The following KCNT2 variants were observed in gnomAD, a reference collection of about 807,000 sequenced individuals.
The protein encoded by KCNT2 is potassium channel subfamily T member 2.
Under a neutral mutation model 153.8 loss-of-function variants are expected in KCNT2, and 67 were observed. The observed-to-expected ratio is 0.44, with a 90% CI of 0.36 to 0.53. The LOEUF is 0.53. Ranked by LOEUF, KCNT2 falls within the 20% of genes least tolerant of loss-of-function variation. The pLI is 0.00. For synonymous variants in KCNT2, 500 were observed against 458.8 expected (o/e 1.09, Z -1.15); for missense variants, 975 against 1,354.8 (o/e 0.72, Z 4.40).
At chr1:196,562,717 T>C (rs1659580504) in intron 1 of KCNT2, among the ~76,000 whole-genome samples, 1 of 151,796 alleles carries the variant, frequency 6.6e-6, no homozygotes, top group Admixed American at 6.6e-5. Context: ...TCTTTTTTTT[T>C]TTTCCTGAAT....
At chr1:196,596,364 C>T (rs1440923085) in intron 1 of KCNT2, among the ~76,000 whole-genome samples, 1 of 152,040 alleles carries the variant, frequency 6.6e-6, no homozygotes, top group Non-Finnish European at 1.5e-5. Context: ...AAATGTGTTC[C>T]CTTTTCACCA....
chr1:196,249,279 A>T (rs1052356960), intron 26 of KCNT2, among the ~76,000 whole-genome samples: 2 of 152,184 alleles, frequency 1.3e-5, no homozygotes, highest in Admixed American at 6.5e-5. Context: ...ATCATTCAAC[A>T]TACTGCTGGA....
At position 196,517,057 on chromosome 1, in the gene KCNT2, C is replaced by T. The variant is rs115950077; in HGVS notation, c.96-24716G>A. Among the ~76,000 whole-genome samples the T allele has an allele frequency of 4.9e-3, 746 of 152,180 alleles. 6 individuals are homozygous for T. The highest frequency in any genetic ancestry group is 0.017 in the African/African-American group (702 of 41,520). On this transcript the variant is annotated intron_variant, in intron 1 of 27. Coordinates refer to ENST00000294725, the MANE Select transcript of KCNT2 (RefSeq NM_198503.5). ...AGCTCCCAATGGGAGTGGGGATTGC[C>T]GTATTTGCTTACAGCCTTCATGCTT...
intron 8 of KCNT2, among the ~76,000 whole-genome samples, chr1:196,444,330 A>G (rs1388825773): frequency 1.3e-5 from 2 of 151,436 alleles, no homozygotes; most frequent in Admixed American, 6.6e-5. Flanking sequence ...TCCCAGTAAT[A>G]CAATAATACA....
At chr1:196,580,082 A>G (rs934308318) in intron 1 of KCNT2, among the ~76,000 whole-genome samples, 1 of 152,180 alleles carries the variant, frequency 6.6e-6, no homozygotes, top group Non-Finnish European at 1.5e-5. Context: ...TCCTGAAACC[A>G]TTTCTAGGGA....
At chr1:196,266,467 C>G (rs2147810905) in intron 25 of KCNT2, among the ~76,000 whole-genome samples, 1 of 152,232 alleles carries the variant, frequency 6.6e-6, no homozygotes, top group Admixed American at 6.5e-5. Context: ...CAGATATTGT[C>G]TAAAAATATC....
rs5779831 is a variant in KCNT2, at chr1:196,339,520, C to CAGAGAG, written c.1783+815_1783+820dup. ...AGATATGAAGAGACACACACACACA[C>CAGAGAG]AGAGAGAGAGAGAGAGAGAGAGAGA... On this transcript the variant is annotated intron_variant, in intron 16 of 27. Coordinates refer to ENST00000294725, the MANE Select transcript of KCNT2 (RefSeq NM_198503.5). Among the ~76,000 whole-genome samples, 1,011 of 137,986 alleles carry CAGAGAG rather than the reference C, an allele frequency of 7.3e-3. 12 individuals are homozygous for CAGAGAG. Among genetic ancestry groups the CAGAGAG allele is most frequent in the African/African-American group, 0.026 (894 of 34,964 alleles). 90.5% of individuals were successfully genotyped at this position (137,986 alleles called of 152,430 possible). A position where few individuals can be genotyped will look rare whatever the true frequency, so the allele number is the denominator to read the frequency against.
Position 196,462,435 on chromosome 1 carries a change from T to C in KCNT2, c.638+2858A>G, listed in dbSNP as rs1344053709. Among the ~76,000 whole-genome samples, 6 of 151,740 alleles carry C rather than the reference T, an allele frequency of 4.0e-5. No individual in the cohort carries two copies. The East Asian group carries it at 1.2e-3, about 29-fold the overall frequency. ...AATACTGAAAACTTGAATACAGTGGTGAAAGATGTTTTCTTATATTTTCTG... is the reference window on the plus strand; with the variant it reads ...AATACTGAAAACTTGAATACAGTGGCGAAAGATGTTTTCTTATATTTTCTG... On this transcript the variant is annotated intron_variant, in intron 8 of 27. Transcript: ENST00000294725.
chr1:196,429,727 T>C lies in KCNT2; in HGVS notation c.669A>G (p.Ile223Met), dbSNP rs1217455996. The change falls in exon 9 of 28, where the codon ATA becomes ATG. Residue 223 changes from isoleucine (I) to methionine (M), a missense_variant. By Grantham distance (10) the Ile-to-Met change is conservative. Coordinates refer to ENST00000294725, the MANE Select transcript of KCNT2 (RefSeq NM_198503.5). ...CICGIQHLERIGKKLNLFDSL... is the reference protein window; with the variant it reads ...CICGIQHLERMGKKLNLFDSL... ...AGTCAAAGAGATTCAGCTTCTTTCCTATTCGTTCCAGATGTTGGATCCCAC... is the reference window on the plus strand; with the variant it reads ...AGTCAAAGAGATTCAGCTTCTTTCCCATTCGTTCCAGATGTTGGATCCCAC... 6.2e-7 allele frequency: 1 copy of C among 1,608,178 alleles called. No individual in the cohort carries two copies. Among genetic ancestry groups the C allele is most frequent in the Non-Finnish European group, 8.5e-7 (1 of 1,177,912 alleles).
chr1:196,395,488 GT>G (rs1345771665), intron 13 of KCNT2, among the ~76,000 whole-genome samples: 1 of 151,552 alleles, frequency 6.6e-6, no homozygotes, highest in Non-Finnish European at 1.5e-5. Context: ...AATAGCACTG[GT>G]GGCTTAAAAC....
At chr1:196,302,751 C>A (rs1571967839) in intron 22 of KCNT2, among the ~76,000 whole-genome samples, 1 of 151,406 alleles carries the variant, frequency 6.6e-6, no homozygotes. Flanking sequence ...TTGGATGGGG[C>A]ATGAGATTCA....
At chr1:196,422,166 G>A (rs929269417) in intron 12 of KCNT2, among the ~76,000 whole-genome samples, 3 of 151,934 alleles carry the variant, frequency 2.0e-5, no homozygotes, top group Admixed American at 2.0e-4. Flanking sequence ...AAGTAGTTTA[G>A]GTAAATTAGA....
intron 1 of KCNT2, among the ~76,000 whole-genome samples, chr1:196,515,687 G>T (rs2148810558): frequency 6.6e-6 from 1 of 152,284 alleles, no homozygotes; most frequent in East Asian, 1.9e-4. Context: ...CTCTTATGGA[G>T]AAAAGTGAAG....
intron 3 of KCNT2, among the ~76,000 whole-genome samples, chr1:196,485,127 T>C (rs1679318192): frequency 1.3e-5 from 2 of 152,048 alleles, no homozygotes; most frequent in East Asian, 1.9e-4. Flanking sequence ...TAAAAAGGAA[T>C]GAGATCAGGT....
intron 13 of KCNT2, among the ~76,000 whole-genome samples, chr1:196,383,419 A>G (rs1051375985): frequency 3.3e-5 from 5 of 152,182 alleles, no homozygotes; most frequent in African/African-American, 1.2e-4. Flanking sequence ...GCTGCTCTCA[A>G]TTGCTGTATT....
At chr1:196,524,185 C>G (rs770392031) in intron 1 of KCNT2, among the ~76,000 whole-genome samples, 2 of 152,178 alleles carry the variant, frequency 1.3e-5, no homozygotes, top group Non-Finnish European at 2.9e-5. Flanking sequence ...CTTCAGAACA[C>G]TGACCCCATT....
intron 1 of KCNT2, among the ~76,000 whole-genome samples, chr1:196,514,312 T>C (rs1681877244): frequency 1.3e-5 from 2 of 152,212 alleles, no homozygotes; most frequent in African/African-American, 4.8e-5. Flanking sequence ...TGTTGACAAT[T>C]ATAAATATCT....
chr1:196,256,817 C>A (rs982683442), intron 26 of KCNT2, among the ~76,000 whole-genome samples: 1 of 151,478 alleles, frequency 6.6e-6, no homozygotes, highest in Non-Finnish European at 1.5e-5. Context: ...AGGGGCTGGG[C>A]AAAATAAGGC....
chr1:196,511,341 C>T (rs1308731372), intron 1 of KCNT2, among the ~76,000 whole-genome samples: 1 of 152,070 alleles, frequency 6.6e-6, no homozygotes, highest in Non-Finnish European at 1.5e-5. Context: ...AAGAAATCTC[C>T]TACAAAAAGC....
Sources: allele counts gnomAD v4.1 joint callset (sites outside exome capture counted in the v4.1 genomes callset), GRCh38; gene constraint gnomAD v4.1.1; transcripts MANE v1.5; gene names NCBI Gene and HGNC (gene_info 2026-07-23, HGNC 2026-07-21).